TRERF1: variants seen among roughly 807,000 people sequenced by gnomAD.
TRERF1 encodes the protein transcriptional-regulating factor 1.
In TRERF1, 27 loss-of-function variants were observed where a neutral mutation model predicts 122.9. The ratio of observed to expected loss-of-function variants is 0.22; its 90% CI spans 0.16 to 0.30. The LOEUF (loss-of-function observed/expected upper bound fraction) is 0.30. TRERF1 is among the 10% of genes least tolerant of loss of function. TRERF1 has a pLI of 1.00. For synonymous variants in TRERF1, 636 were observed against 641.7 expected, an observed-to-expected ratio of 0.99 and a Z score of 0.13; for missense variants, 1,248 against 1,560.3, an observed-to-expected ratio of 0.80 and a Z score of 3.37.
intron 2 of TRERF1, among the ~76,000 whole-genome samples, chr6:42,417,502 A>G (rs1782009043): frequency 6.6e-6 from 1 of 152,210 alleles, no homozygotes; most frequent in African/African-American, 2.4e-5. Context: ...ACAATTAACA[A>G]AAAGCCCCCC....
intron 3 of TRERF1, among the ~76,000 whole-genome samples, chr6:42,339,571 T>C (rs1766857166): frequency 6.6e-6 from 1 of 152,278 alleles, no homozygotes; most frequent in African/African-American, 2.4e-5. Flanking sequence ...GTTGTTTCTT[T>C]ACTTCTTGGA....
intron 4 of TRERF1, among the ~76,000 whole-genome samples, chr6:42,291,727 A>T (rs1168291071): frequency 1.3e-5 from 2 of 150,124 alleles, no homozygotes; most frequent in Admixed American, 6.6e-5. Flanking sequence ...TGTATTTTTT[A>T]GTAGAGACGG....
chr6:42,287,681 C>A (rs1004480978), intron 4 of TRERF1, among the ~76,000 whole-genome samples: 5 of 152,164 alleles, frequency 3.3e-5, no homozygotes, highest in Non-Finnish European at 7.4e-5. Context: ...AGGGGCCCAC[C>A]ACCTCCCCAT....
At chr6:42,436,011 G>A (rs965628271) in intron 2 of TRERF1, among the ~76,000 whole-genome samples, 5 of 151,686 alleles carry the variant, frequency 3.3e-5, no homozygotes, top group African/African-American at 9.7e-5. Flanking sequence ...TAAGTTATGG[G>A]ACCCAGTGCC....
intron 2 of TRERF1, among the ~76,000 whole-genome samples, chr6:42,430,167 C>A (rs1033117736): frequency 1.3e-5 from 2 of 151,968 alleles, no homozygotes; most frequent in Middle Eastern, 6.8e-3. Context: ...TGGTGGGGGC[C>A]GCTGATGGGT....
intron 3 of TRERF1, among the ~76,000 whole-genome samples, chr6:42,348,184 AACATACACACACAC>A (rs1166968409): frequency 6.7e-6 from 1 of 149,118 alleles, no homozygotes; most frequent in Non-Finnish European, 1.5e-5. Context: ...CGTCTGTATA[AACATACACACACAC>A]ACATACACAC....
At chr6:42,274,287 C>A (rs1475723279) in intron 4 of TRERF1, among the ~76,000 whole-genome samples, 1 of 152,176 alleles carries the variant, frequency 6.6e-6, no homozygotes, top group African/African-American at 2.4e-5. Context: ...AGTCTCTCCA[C>A]ATTACAGATG....
chr6:42,435,138 AAAAG>A (rs1328727858), intron 2 of TRERF1, among the ~76,000 whole-genome samples: 2 of 151,750 alleles, frequency 1.3e-5, no homozygotes, highest in Non-Finnish European at 2.9e-5. Flanking sequence ...TCTCAAAAAA[AAAAG>A]AAAGAAAGAA....
intron 2 of TRERF1, among the ~76,000 whole-genome samples, chr6:42,384,536 G>C (rs549172693): frequency 5.9e-5 from 9 of 152,100 alleles, no homozygotes; most frequent in Non-Finnish European, 1.3e-4. Context: ...GGGTAGCTGG[G>C]GGCAGAAAGA....
At chr6:42,425,261 A>C (rs1359293872) in intron 2 of TRERF1, among the ~76,000 whole-genome samples, 1 of 152,220 alleles carries the variant, frequency 6.6e-6, no homozygotes, top group Non-Finnish European at 1.5e-5. Flanking sequence ...CTTCACACTG[A>C]CTAATAAGAG....
chr6:42,397,246 A>G (rs1033089034), intron 2 of TRERF1, among the ~76,000 whole-genome samples: 2 of 152,204 alleles, frequency 1.3e-5, no homozygotes, highest in African/African-American at 4.8e-5. Context: ...TTGGGACCTC[A>G]TGAGGATTAC....
At position 42,301,691 on chromosome 6, in the gene TRERF1, A is replaced by G. The variant is rs570358052; in HGVS notation, c.-370-942T>C. Among the ~76,000 whole-genome samples, 5 of 152,376 alleles carry G rather than the reference A, an allele frequency of 3.3e-5. No individual in the cohort carries two copies. The South Asian group carries it at 1.0e-3, about 32-fold the overall frequency. ...CAACAGATTATTCTGTCAAATCGGC[A>G]TGAAAGTTACTAAGCACCGACTCAA... On this transcript the variant is annotated intron_variant, in intron 3 of 17. Transcript: ENST00000372922.
chr6:42,268,326 G>C lies in TRERF1; in HGVS notation c.1265C>G (p.Ser422Cys). The change falls in exon 5 of 18, where the codon TCC (serine) becomes TGC (cysteine). Residue 422 changes from serine to cysteine, a missense_variant. Physicochemically the swap from Ser to Cys is moderately radical, Grantham distance 112. Coordinates refer to ENST00000372922, the Ensembl canonical transcript of TRERF1. This position sits in a 1 kb window ranked among gnomAD's most constrained non-coding sequence, Gnocchi z 4.4. ...GTCAGGAGGCCCCAGGTCCCCATGG[G>C]AGCTCAGCATGGCCTGGGCCTGTCT... 1 of 1,516,818 alleles carries C rather than the reference G, an allele frequency of 6.6e-7. No individual in the cohort carries two copies. The highest frequency in any genetic ancestry group is 8.8e-7 in the Non-Finnish European group (1 of 1,133,710). The allele number at this position is 1,516,818 out of a possible 1,614,324, so 94.0% of individuals were successfully genotyped here. A position where few individuals can be genotyped will look rare whatever the true frequency, so the allele number is the denominator to read the frequency against.
intron 2 of TRERF1, among the ~76,000 whole-genome samples, chr6:42,395,243 T>C (rs1434585113): frequency 6.6e-6 from 1 of 152,184 alleles, no homozygotes; most frequent in Non-Finnish European, 1.5e-5. Flanking sequence ...CCCATCTAAA[T>C]GTACAGCTCT....
At chr6:42,401,224 T>G (rs946024524) in intron 2 of TRERF1, among the ~76,000 whole-genome samples, 5 of 152,162 alleles carry the variant, frequency 3.3e-5, no homozygotes, top group Non-Finnish European at 7.3e-5. Flanking sequence ...TCTGAGATAC[T>G]GAATTAATTA....
exon 7 of TRERF1, chr6:42,264,829 C>T: frequency 6.2e-7 from 1 of 1,614,184 alleles, no homozygotes; most frequent in Non-Finnish European, 8.5e-7. Context: ...TCAAACTGCT[C>T]CCCAAACGCT....
chr6:42,307,000 C>T (rs762414899), intron 3 of TRERF1, among the ~76,000 whole-genome samples: 30 of 152,216 alleles, frequency 2.0e-4, no homozygotes, highest in Non-Finnish European at 4.0e-4. Context: ...TTGTTGAACA[C>T]CCTGTTAAAC....
chr6:42,335,354 C>G (rs111928724), intron 3 of TRERF1, among the ~76,000 whole-genome samples: 1 of 152,208 alleles, frequency 6.6e-6, no homozygotes, highest in African/African-American at 2.4e-5. Context: ...ACCACACTTA[C>G]TAGTACTCAC....
At chr6:42,380,662 T>A (rs562808954) in intron 2 of TRERF1, among the ~76,000 whole-genome samples, 2 of 152,336 alleles carry the variant, frequency 1.3e-5, no homozygotes, top group East Asian at 3.9e-4. Flanking sequence ...CCCCACCGCC[T>A]GCCCCACCTT....
Sources: gnomAD v4.1 joint callset for allele counts (sites outside exome capture counted in the v4.1 genomes callset) on GRCh38, gnomAD v4.1.1 for gene constraint, Gnocchi (gnomAD v3.1) non-coding constraint, MANE v1.5 for transcripts, NCBI Gene and HGNC (gene_info 2026-07-23, HGNC 2026-07-21) for gene names.